Variants in SLC9A9 observed in about 807,000 individuals in gnomAD.
SLC9A9 encodes solute carrier family 9 member A9.
In SLC9A9, 62 loss-of-function variants were observed where a neutral mutation model predicts 77.8. The observed-to-expected ratio is 0.80, with a 90% CI of 0.65 to 0.98. The LOEUF is 0.98. Ranked by LOEUF, SLC9A9 falls within the 50% of genes least tolerant of loss-of-function variation. The pLI, the probability that SLC9A9 is intolerant of heterozygous loss-of-function variation, is 0.00. For missense variants in SLC9A9, 775 were observed against 774.9 expected (o/e 1.00, Z 0.00); for synonymous variants, 320 against 283.5 (o/e 1.13, Z -1.29).
chr3:143,635,018 C>A (rs1400711757), intron 6 of SLC9A9, among the ~76,000 whole-genome samples: 1 of 152,094 alleles, frequency 6.6e-6, no homozygotes, highest in Non-Finnish European at 1.5e-5. Context: ...AACCACCCCA[C>A]AACTGAGTGA....
chr3:143,691,040 G>T (rs1933445468), intron 5 of SLC9A9, among the ~76,000 whole-genome samples: 1 of 152,092 alleles, frequency 6.6e-6, no homozygotes, highest in South Asian at 2.1e-4. Flanking sequence ...ATGTGCATAT[G>T]AATCTCTTGA....
At chr3:143,734,637 G>A (rs766649249) in intron 4 of SLC9A9, among the ~76,000 whole-genome samples, 1 of 151,632 alleles carries the variant, frequency 6.6e-6, no homozygotes, top group Non-Finnish European at 1.5e-5. Flanking sequence ...GGGAGGCTGA[G>A]GCAGGGGAAT....
chr3:143,734,732 CAAAAA>C (rs532314682), intron 4 of SLC9A9, among the ~76,000 whole-genome samples: 1 of 66,162 alleles, frequency 1.5e-5, no homozygotes, highest in African/African-American at 4.7e-5. Context: ...GACTCCATCT[CAAAAA>C]AAAAAAAAAA....
Position 143,288,260 on chromosome 3 carries a change from TA to T in SLC9A9, c.1605-19281del, listed in dbSNP as rs1261939983. ...AAAGCTAAGCCTGGGCTCCAGTTAT[TA>T]AAAAAAAAAACAAAACAAAACCAAA... On this transcript the variant is annotated intron_variant, in intron 14 of 15. Transcript: ENST00000316549. Among the ~76,000 whole-genome samples, 638 of 145,280 alleles carry T rather than the reference TA, an allele frequency of 4.4e-3. 1 individual carries two copies. Among genetic ancestry groups the T allele is most frequent in the African/African-American group, 0.014 (563 of 39,858 alleles).
chr3:143,831,795 C>G (rs1287668643), intron 2 of SLC9A9, among the ~76,000 whole-genome samples: 1 of 151,964 alleles, frequency 6.6e-6, no homozygotes, highest in African/African-American at 2.4e-5. Flanking sequence ...AAAAGAAAAC[C>G]TTTCTTTCCT....
At chr3:143,636,272 A>G (rs950239187) in intron 6 of SLC9A9, among the ~76,000 whole-genome samples, 2 of 152,338 alleles carry the variant, frequency 1.3e-5, no homozygotes, top group South Asian at 2.1e-4. Context: ...TATTATGAAT[A>G]AAACTGTTTT....
At chr3:143,330,742 T>A (rs1438405902) in intron 14 of SLC9A9, among the ~76,000 whole-genome samples, 1 of 152,264 alleles carries the variant, frequency 6.6e-6, no homozygotes, top group Non-Finnish European at 1.5e-5. Context: ...CAAATGTGAC[T>A]TTTAATTAAG....
At chr3:143,497,760 A>G (rs959572177) in intron 9 of SLC9A9, among the ~76,000 whole-genome samples, 1 of 152,176 alleles carries the variant, frequency 6.6e-6, no homozygotes, top group Non-Finnish European at 1.5e-5. Flanking sequence ...AAACAGTCCT[A>G]TTTCAGTTAA....
intron 14 of SLC9A9, among the ~76,000 whole-genome samples, chr3:143,287,053 G>T (rs1938400229): frequency 6.6e-6 from 1 of 152,040 alleles, no homozygotes; most frequent in Non-Finnish European, 1.5e-5. Context: ...AGAACTCAAA[G>T]CTTGGATTAT....
At chr3:143,365,620 G>C (rs987698690) in intron 13 of SLC9A9, among the ~76,000 whole-genome samples, 5 of 152,162 alleles carry the variant, frequency 3.3e-5, no homozygotes, top group Non-Finnish European at 7.3e-5. Flanking sequence ...GATAGGGCCG[G>C]AGTGCCATGC....
chr3:143,660,997 T>C (rs941478171), intron 5 of SLC9A9, among the ~76,000 whole-genome samples: 6 of 152,204 alleles, frequency 3.9e-5, no homozygotes, highest in African/African-American at 1.4e-4. Flanking sequence ...AGATCACTCA[T>C]TTACTCAGAA....
intron 2 of SLC9A9, among the ~76,000 whole-genome samples, chr3:143,817,989 G>T (rs942026866): frequency 1.2e-4 from 18 of 151,984 alleles, no homozygotes; most frequent in Non-Finnish European, 2.9e-5. Context: ...AGTAAGTAAA[G>T]CAAGTTACAA....
At chr3:143,444,088 A>C (rs373285179) in intron 12 of SLC9A9, among the ~76,000 whole-genome samples, 29 of 152,218 alleles carry the variant, frequency 1.9e-4, no homozygotes, top group African/African-American at 7.0e-4. Flanking sequence ...ACAACAGATG[A>C]AATTTAATAA....
intron 4 of SLC9A9, among the ~76,000 whole-genome samples, chr3:143,695,519 C>T (rs892688876): frequency 5.3e-5 from 8 of 152,154 alleles, no homozygotes; most frequent in African/African-American, 1.4e-4. Context: ...ATGAATTCAT[C>T]CTTTTCATGG....
In SLC9A9 at chr3:143,382,107, C is replaced by T. The variant is rs775249012; in HGVS notation, c.1477G>A (p.Val493Met). Residue 493 changes from valine (V) to methionine (M), a missense_variant, in exon 13 of 16, where the codon GTG (valine) becomes ATG (methionine). Val to Met is a conservative substitution (Grantham distance 21). Transcript: ENST00000316549. ...MLTWLQIRVG[V>M]DLDENLKEDP... Reference sequence around the variant, plus strand: ...TCCTTCAGATTTTCATCCAGGTCCACGCCAACTCTGTTAAACAAAACCAAA... The same window carrying T: ...TCCTTCAGATTTTCATCCAGGTCCATGCCAACTCTGTTAAACAAAACCAAA... 1.1e-4 allele frequency: 181 copies of T among 1,613,942 alleles called. No homozygotes were observed. The highest frequency in any genetic ancestry group is 1.5e-4 in the African/African-American group (11 of 74,900).
chr3:143,829,726 G>A (rs1035696774), intron 2 of SLC9A9, among the ~76,000 whole-genome samples: 4 of 152,168 alleles, frequency 2.6e-5, no homozygotes, highest in South Asian at 2.1e-4. Flanking sequence ...CAATGGTAGC[G>A]TTATTTTTGG....
rs115480450 is a variant in SLC9A9 at position 143,419,957 on chromosome 3, G to A, written c.1470-37843C>T. 2.7e-3 allele frequency among the ~76,000 whole-genome samples: 407 copies of A among 152,290 alleles called. 2 individuals are homozygous for A. Among genetic ancestry groups the A allele is most frequent in the African/African-American group, 9.4e-3 (390 of 41,556 alleles). On this transcript the variant is annotated intron_variant, in intron 12 of 15. Coordinates refer to ENST00000316549, the MANE Select transcript of SLC9A9 (RefSeq NM_173653.4). ...TGTTCTTGCATTTCCCGAACACAGG[G>A]AGTATGGAATGCTGGGAACTAAAAG...
chr3:143,782,383 T>G (rs1384086953), intron 4 of SLC9A9, among the ~76,000 whole-genome samples: 2 of 152,202 alleles, frequency 1.3e-5, no homozygotes, highest in Non-Finnish European at 2.9e-5. Flanking sequence ...GGGTGAGGCT[T>G]GAAACTCTGC....
chr3:143,339,616 C>T (rs1448468374), intron 14 of SLC9A9, among the ~76,000 whole-genome samples: 1 of 152,126 alleles, frequency 6.6e-6, no homozygotes, highest in Non-Finnish European at 1.5e-5. Context: ...TAAGGCTTCC[C>T]GTCACATTGT....
Sources: allele counts gnomAD v4.1 joint callset (sites outside exome capture counted in the v4.1 genomes callset), GRCh38; gene constraint gnomAD v4.1.1; transcripts MANE v1.5; gene names NCBI Gene and HGNC (gene_info 2026-07-23, HGNC 2026-07-21).